TENM3: variants seen among roughly 807,000 people sequenced by gnomAD.
TENM3 encodes teneurin-3.
TENM3 carries 63 observed loss-of-function variants against 255.1 expected under a neutral mutation model. That is an observed-to-expected ratio of 0.25 (90% CI 0.20 to 0.30). The LOEUF (loss-of-function observed/expected upper bound fraction) is 0.30, where lower values mean the gene tolerates loss of function less well. Ranked by LOEUF, TENM3 falls within the 10% of genes least tolerant of loss-of-function variation. The pLI is 1.00. For missense variants in TENM3, 2,929 were observed against 3,461.1 expected (o/e 0.85, Z 3.86); for synonymous variants, 1,306 against 1,322.3 (o/e 0.99, Z 0.27).
chr4:181,768,005 G>T, the TENM3 span, among the ~76,000 whole-genome samples: 1 of 152,164 alleles, frequency 6.6e-6, no homozygotes, highest in African/African-American at 2.4e-5. Flanking sequence ...TAATGTAAAT[G>T]CAGAAGGCAA....
the TENM3 span, among the ~76,000 whole-genome samples, chr4:181,482,918 T>C: frequency 6.6e-6 from 1 of 152,270 alleles, no homozygotes; most frequent in East Asian, 1.9e-4. Flanking sequence ...GTTCGGCCGA[T>C]ACCTAGAGTG....
chr4:181,650,829 A>G, the TENM3 span, among the ~76,000 whole-genome samples: 2 of 152,248 alleles, frequency 1.3e-5, no homozygotes, highest in African/African-American at 4.8e-5. Context: ...ACAAAATGTT[A>G]CAGAGTATTT....
chr4:182,581,509 G>C (rs1432877005), intron 3 of TENM3, among the ~76,000 whole-genome samples: 7 of 152,106 alleles, frequency 4.6e-5, no homozygotes, highest in Admixed American at 4.6e-4. Context: ...AGGCCGAGGA[G>C]GGCGGATCAC....
intron 6 of TENM3, 82 bp from the exon 7 acceptor site, chr4:182,672,923 T>C: frequency 9.3e-7 from 1 of 1,073,704 alleles, no homozygotes; most frequent in African/African-American, 1.6e-5. Flanking sequence ...TAAAAATAAC[T>C]TTTTCAAAAA....
the TENM3 span, among the ~76,000 whole-genome samples, chr4:181,573,170 C>A: frequency 6.6e-6 from 1 of 152,134 alleles, no homozygotes; most frequent in Non-Finnish European, 1.5e-5. Context: ...TCTTCCAAAT[C>A]TTGGCTATTG....
intron 27 of TENM3, 69 bp downstream of exon 27, chr4:182,796,836 A>ATCTACCCATAT (rs1182553626): frequency 2.5e-5 from 31 of 1,255,204 alleles, no homozygotes; most frequent in Non-Finnish European, 3.2e-5. Flanking sequence ...ATCTAATCAA[A>ATCTACCCATAT]CTACCCTTGT....
the TENM3 span, among the ~76,000 whole-genome samples, chr4:181,879,006 G>A: frequency 6.6e-6 from 1 of 152,120 alleles, no homozygotes; most frequent in Non-Finnish European, 1.5e-5. Context: ...TCTTTTCACA[G>A]TTACAGATCA....
At chr4:182,276,476 G>C (rs1049715946) in intron 1 of TENM3, among the ~76,000 whole-genome samples, 2 of 152,150 alleles carry the variant, frequency 1.3e-5, no homozygotes, top group African/African-American at 4.8e-5. Context: ...CCTTTGACTC[G>C]AATGCGAACC....
At chr4:181,659,109 G>GT in the TENM3 span, among the ~76,000 whole-genome samples, 1 of 152,152 alleles carries the variant, frequency 6.6e-6, no homozygotes, top group Non-Finnish European at 1.5e-5. Flanking sequence ...TCCCAATATC[G>GT]TAAGAACAGA....
At chr4:181,448,154 A>ATT in the TENM3 span, among the ~76,000 whole-genome samples, 496 of 90,086 alleles carry the variant, frequency 5.5e-3, 39 homozygotes, top group African/African-American at 0.022. Context: ...AAATCCAGTA[A>ATT]TTTTTTTTTT....
chr4:182,263,221 G>A (rs1036106812), intron 1 of TENM3, among the ~76,000 whole-genome samples: 3 of 152,088 alleles, frequency 2.0e-5, no homozygotes, highest in Non-Finnish European at 4.4e-5. Flanking sequence ...GAAGACCCCC[G>A]ACCCAAAGGA....
the TENM3 span, among the ~76,000 whole-genome samples, chr4:181,594,230 A>G: frequency 1.3e-5 from 2 of 152,346 alleles, no homozygotes; most frequent in South Asian, 4.1e-4. Context: ...AATTATCTAC[A>G]TGACCCAATA....
intron 1 of TENM3, among the ~76,000 whole-genome samples, chr4:182,179,948 C>G (rs1026800202): frequency 1.3e-5 from 2 of 151,878 alleles, no homozygotes; most frequent in Non-Finnish European, 2.9e-5. Context: ...TGTTCTTCTC[C>G]CAGGAGATTA....
intron 3 of TENM3, among the ~76,000 whole-genome samples, chr4:182,489,137 G>T: frequency 6.6e-6 from 1 of 152,112 alleles, no homozygotes; most frequent in East Asian, 1.9e-4. Context: ...GAATTTGATC[G>T]TTAAGGGAGA....
chr4:181,514,243 T>A, the TENM3 span, among the ~76,000 whole-genome samples: 1 of 152,228 alleles, frequency 6.6e-6, no homozygotes, highest in African/African-American at 2.4e-5. Context: ...ATAAACTTTT[T>A]AATTCCATTT....
At chr4:182,005,704 T>G in the TENM3 span, among the ~76,000 whole-genome samples, 1 of 152,218 alleles carries the variant, frequency 6.6e-6, no homozygotes, top group Non-Finnish European at 1.5e-5. Flanking sequence ...TCCCTGAGGA[T>G]GGAATGTTTT....
Position 182,755,139 on chromosome 4 carries a change from C to G in TENM3, c.4772C>G (p.Thr1591Arg). ...DNQVIWLTIG[T>R]NGCLKSMTAQ... ...CAAGTGATATGGTTGACAATAGGAACAAATGGATGTTTGAAAAGCATGACT... is the reference window on the plus strand; with the variant it reads ...CAAGTGATATGGTTGACAATAGGAAGAAATGGATGTTTGAAAAGCATGACT... The change falls in exon 22 of 28, where the codon ACA (threonine) becomes AGA (arginine). Residue 1591 changes from threonine (T) to arginine (R), a missense_variant. Around this residue, in one of 6 missense-constraint regions of TENM3, gnomAD observed 1,608 missense variants for 1,884.4 expected, o/e 0.85. Transcript: ENST00000511685. 1 of 1,613,944 alleles carries G rather than the reference C, an allele frequency of 6.2e-7. No homozygotes were observed. The highest frequency in any genetic ancestry group is 8.5e-7 in the Non-Finnish European group (1 of 1,179,888).
intron 3 of TENM3, among the ~76,000 whole-genome samples, chr4:182,544,889 C>CT (rs949993196): frequency 6.6e-5 from 10 of 152,208 alleles, no homozygotes; most frequent in African/African-American, 2.2e-4. Flanking sequence ...GAGCAAATCT[C>CT]TTAACACCTC....
At chr4:182,368,829 T>G (rs781773157) in intron 3 of TENM3, among the ~76,000 whole-genome samples, 68 of 152,314 alleles carry the variant, frequency 4.5e-4, no homozygotes, top group Non-Finnish European at 8.8e-4. Flanking sequence ...AGTTGACAGC[T>G]GTCAGGCAAG....
Sources: allele counts gnomAD v4.1 joint callset (sites outside exome capture counted in the v4.1 genomes callset), GRCh38; gene constraint gnomAD v4.1.1; regional missense constraint gnomAD v4.1.1; transcripts MANE v1.5; gene names NCBI Gene and HGNC (gene_info 2026-07-23, HGNC 2026-07-21).